The following PRTFDC1 variants were observed in gnomAD, a reference collection of about 807,000 sequenced individuals.
PRTFDC1 encodes phosphoribosyltransferase domain-containing protein 1.
PRTFDC1 carries 38 observed loss-of-function variants against 34.6 expected under a neutral mutation model. That is an observed-to-expected ratio of 1.10 (90% CI 0.85 to 1.44). The LOEUF (loss-of-function observed/expected upper bound fraction) is 1.44. PRTFDC1 is among the 40% of genes most tolerant of loss of function. The probability of loss-of-function intolerance (pLI) is 0.00; values close to 1 mark genes in which losing one functional copy is unlikely to be tolerated. For synonymous variants in PRTFDC1, 93 were observed against 98.1 expected (o/e 0.95, Z 0.31); for missense variants, 270 against 283.0 (o/e 0.95, Z 0.33).
At chr10:24,876,445 C>T (rs542082933) in intron 3 of PRTFDC1, among the ~76,000 whole-genome samples, 2 of 151,700 alleles carry the variant, frequency 1.3e-5, no homozygotes, top group African/African-American at 4.8e-5. Flanking sequence ...ACTGTAATCC[C>T]AGCACTTTGG....
chr10:24,858,424 A>T lies in PRTFDC1; in HGVS notation c.406-15T>A, dbSNP rs759324090. The T allele has an allele frequency of 5.0e-5, 80 of 1,612,980 alleles. No individual in the cohort carries two copies. Among genetic ancestry groups the T allele is most frequent in the Non-Finnish European group, 6.6e-5 (78 of 1,179,278 alleles). The stretch of plus-strand genomic sequence containing the variant: ...ATGAGAACATTCTGAAATAAACAAA[A>T]CCCATATTTTAGAATGTGATGCCAA... On this transcript the variant is annotated splice_polypyrimidine_tract_variant and intron_variant, in intron 4 of 8. Transcript: ENST00000320152.
At chr10:24,912,193 C>G (rs552315076) in intron 3 of PRTFDC1, among the ~76,000 whole-genome samples, 13 of 127,050 alleles carry the variant, frequency 1.0e-4, no homozygotes, top group African/African-American at 3.9e-4. Context: ...TGCTTGAACC[C>G]AGGAGGCAGA....
chr10:24,942,332 G>A lies in PRTFDC1; in HGVS notation c.153C>T (p.Asp51=), dbSNP rs766055405. ...TTGACACAGGAAATCACACTCACCT[G>A]TCCACAATGATACCATGAGGGATGA... ...YVLIPHGIIV[D]RIERLAKDIM... is the part of the protein sequence containing the mutation. Residue 51 remains aspartate, a splice_region_variant and synonymous_variant, in exon 2 of 9, where the codon GAC becomes GAT. Coordinates refer to ENST00000320152, the MANE Select transcript of PRTFDC1 (RefSeq NM_020200.7). 4.4e-6 allele frequency: 7 copies of A among 1,607,194 alleles called. No homozygotes were observed. The Admixed American group carries it at 1.2e-4, about 27-fold the overall frequency.
chr10:24,917,765 T>A (rs952469915), intron 3 of PRTFDC1, among the ~76,000 whole-genome samples: 12 of 152,118 alleles, frequency 7.9e-5, no homozygotes, highest in African/African-American at 2.7e-4. Context: ...GAGTCCCAAA[T>A]GCAATAGATG....
chr10:24,849,667 G>T lies in PRTFDC1; in HGVS notation c.*177C>A. On this transcript the variant is annotated 3_prime_UTR_variant, in exon 9 of 9. Transcript: ENST00000320152. ...AAAAGCACTGCTTTCTTTTCCTTAGGAACCTTTGATACTCTTTATATTAAC... is the reference window on the plus strand; with the variant it reads ...AAAAGCACTGCTTTCTTTTCCTTAGTAACCTTTGATACTCTTTATATTAAC... The T allele has an allele frequency of 1.8e-6, 1 of 563,304 alleles. No homozygotes were observed. Among genetic ancestry groups the T allele is most frequent in the Non-Finnish European group, 3.2e-6 (1 of 316,572 alleles). 34.9% of individuals were successfully genotyped at this position (563,304 alleles called of 1,614,324 possible). A position where few individuals can be genotyped will look rare whatever the true frequency, so the allele number is the denominator to read the frequency against.
intron 3 of PRTFDC1, among the ~76,000 whole-genome samples, chr10:24,902,616 A>G (rs1394823691): frequency 6.6e-6 from 1 of 152,178 alleles, no homozygotes; most frequent in Non-Finnish European, 1.5e-5. Flanking sequence ...GCTCCAGAGA[A>G]AGTTGACTTT....
At chr10:24,898,774 T>A (rs931440880) in intron 3 of PRTFDC1, among the ~76,000 whole-genome samples, 9 of 152,144 alleles carry the variant, frequency 5.9e-5, no homozygotes, top group African/African-American at 2.2e-4. Context: ...ACCACAAGGA[T>A]CAGCCTAGGT....
chr10:24,942,247 G>C lies in PRTFDC1; in HGVS notation c.155+83C>G. On this transcript the variant is annotated intron_variant, in intron 2 of 8. Transcript: ENST00000320152. Reference sequence around the variant, plus strand: ...ACTATAAAACGCAGCTCAGGAATAGGGTCCTAAAGTATATTGTGGGATTCA... The same window carrying C: ...ACTATAAAACGCAGCTCAGGAATAGCGTCCTAAAGTATATTGTGGGATTCA... 2.7e-6 allele frequency: 3 copies of C among 1,111,678 alleles called. No homozygotes were observed. In the South Asian group the frequency reaches 3.9e-5, roughly 14 times the overall value. 68.9% of individuals were successfully genotyped at this position (1,111,678 alleles called of 1,614,324 possible).
chr10:24,858,897 T>G (rs577711592), intron 4 of PRTFDC1, among the ~76,000 whole-genome samples: 1 of 152,312 alleles, frequency 6.6e-6, no homozygotes, highest in African/African-American at 2.4e-5. Flanking sequence ...ATTGTCAACC[T>G]AGATGAAGAG....
chr10:24,871,260 G>T (rs1226122350), intron 4 of PRTFDC1, among the ~76,000 whole-genome samples: 1 of 152,052 alleles, frequency 6.6e-6, no homozygotes, highest in Non-Finnish European at 1.5e-5. Context: ...AGCAGTTCAG[G>T]GATAAGGAAT....
chr10:24,860,443 C>G (rs552808911), intron 4 of PRTFDC1, among the ~76,000 whole-genome samples: 1 of 152,200 alleles, frequency 6.6e-6, no homozygotes, highest in Non-Finnish European at 1.5e-5. Context: ...ATGTTTAATG[C>G]AAGATTTAAT....
Position 24,881,964 on chromosome 10 carries a change from T to C in PRTFDC1, c.340-9901A>G, listed in dbSNP as rs151026719. Among the ~76,000 whole-genome samples, 722 of 152,044 alleles carry C rather than the reference T, an allele frequency of 4.7e-3. 5 individuals carry two copies. Among genetic ancestry groups the C allele is most frequent in the African/African-American group, 0.016 (659 of 41,490 alleles). ...GCTCATATCTGTAATCCCAGAACTT[T>C]GGGAGGCTGAGTCAGGCGGATCACC... On this transcript the variant is annotated intron_variant, in intron 3 of 8. Coordinates refer to ENST00000320152, the MANE Select transcript of PRTFDC1 (RefSeq NM_020200.7).
chr10:24,947,083 TA>T (rs558327025), intron 1 of PRTFDC1, among the ~76,000 whole-genome samples: 1 of 152,366 alleles, frequency 6.6e-6, no homozygotes, highest in Admixed American at 6.5e-5. Context: ...AAGGCTGTAG[TA>T]AGCCATGATC....
At chr10:24,850,010 A>G in intron 8 of PRTFDC1, 119 bp from the exon 9 acceptor site, 3 of 927,560 alleles carry the variant, frequency 3.2e-6, no homozygotes, top group Non-Finnish European at 5.2e-6. Context: ...TTAAATAGAA[A>G]TGTGTGTATT....
chr10:24,896,399 G>A (rs1588599634), intron 3 of PRTFDC1, among the ~76,000 whole-genome samples: 1 of 152,150 alleles, frequency 6.6e-6, no homozygotes, highest in South Asian at 2.1e-4. Flanking sequence ...TGGAAAAGCT[G>A]TCTTCCACAA....
At chr10:24,928,539 GT>G (rs1177166199) in intron 3 of PRTFDC1, among the ~76,000 whole-genome samples, 1 of 152,118 alleles carries the variant, frequency 6.6e-6, no homozygotes, top group Non-Finnish European at 1.5e-5. Flanking sequence ...CACCTCCCGG[GT>G]TCAAGTGATT....
At chr10:24,872,409 G>T (rs1461525078) in intron 3 of PRTFDC1, among the ~76,000 whole-genome samples, 1 of 152,132 alleles carries the variant, frequency 6.6e-6, no homozygotes, top group African/African-American at 2.4e-5. Context: ...TCTGTGTTTT[G>T]CCTAGCTGGG....
At chr10:24,896,960 A>G (rs1848376543) in intron 3 of PRTFDC1, among the ~76,000 whole-genome samples, 1 of 152,170 alleles carries the variant, frequency 6.6e-6, no homozygotes, top group Non-Finnish European at 1.5e-5. Context: ...CCGTGGTCCC[A>G]GTTACTCAGA....
intron 3 of PRTFDC1, among the ~76,000 whole-genome samples, chr10:24,926,665 A>T (rs1168883150): frequency 1.3e-5 from 2 of 152,136 alleles, no homozygotes; most frequent in Non-Finnish European, 2.9e-5. Context: ...TCCATCTTTC[A>T]ACTACTTATG....
Sources: allele counts gnomAD v4.1 joint callset (sites outside exome capture counted in the v4.1 genomes callset), GRCh38; gene constraint gnomAD v4.1.1; transcripts MANE v1.5; gene names NCBI Gene and HGNC (gene_info 2026-07-23, HGNC 2026-07-21).